Variants in JAKMIP3 observed in about 807,000 individuals in gnomAD.
The protein encoded by JAKMIP3 is janus kinase and microtubule-interacting protein 3.
JAKMIP3 carries 58 observed loss-of-function variants against 118.5 expected under a neutral mutation model. The ratio of observed to expected loss-of-function variants is 0.49; its 90% CI spans 0.40 to 0.61. JAKMIP3 has a LOEUF of 0.61. JAKMIP3 is among the 20% of genes least tolerant of loss of function. The probability of loss-of-function intolerance (pLI) is 0.00; values close to 1 mark genes in which losing one functional copy is unlikely to be tolerated. For missense variants in JAKMIP3, 950 were observed against 1,109.0 expected (o/e 0.86, Z 2.04); for synonymous variants, 486 against 451.2 (o/e 1.08, Z -0.98).
upstream of JAKMIP3, among the ~76,000 whole-genome samples, chr10:132,065,881 C>G (rs1177707743): frequency 6.6e-6 from 1 of 152,140 alleles, no homozygotes; most frequent in Non-Finnish European, 1.5e-5. The surrounding 1 kb of genome is among the most constrained non-coding windows in gnomAD (Gnocchi z 5.6). Context: ...GGTTCCTCCC[C>G]CTGGATGTAG....
intron 1 of JAKMIP3, among the ~76,000 whole-genome samples, chr10:132,040,381 C>T (rs1589995970): frequency 6.6e-6 from 1 of 152,112 alleles, no homozygotes; most frequent in African/African-American, 2.4e-5. Context: ...ATGAGCTGAC[C>T]GAGACAGGGC....
intron 1 of JAKMIP3, among the ~76,000 whole-genome samples, chr10:132,048,865 C>G (rs113715733): frequency 6.6e-6 from 1 of 152,128 alleles, no homozygotes; most frequent in Non-Finnish European, 1.5e-5. Context: ...TAGTCTCGAT[C>G]TCCTGACCTC....
In JAKMIP3 at chr10:132,137,113, T is replaced by C. The variant is rs201149274; in HGVS notation, c.1211T>C (p.Ile404Thr). ...EREVDFLKLQ[I>T]VEQQNLIDEL... ...GAAGTCGATTTCTTGAAGCTTCAGA[T>C]TGTGGAGCAGCAAAACCTCATAGAT... The change falls in exon 7 of 24, where the codon ATT becomes ACT. Residue 404 changes from isoleucine to threonine, a missense_variant. Transcript: ENST00000684848. 6 of 1,613,904 alleles carry C rather than the reference T, an allele frequency of 3.7e-6. No homozygotes were observed. In the South Asian group the frequency reaches 5.5e-5, roughly 15 times the overall value.
chr10:132,180,716 TGTGC>T lies in JAKMIP3; in HGVS notation c.*1104-1637_*1104-1634del, dbSNP rs1390233542. 4.1e-3 allele frequency among the ~76,000 whole-genome samples: 103 copies of T among 25,156 alleles called. 17 individuals are homozygous for T. Among genetic ancestry groups the T allele is most frequent in the East Asian group, 0.028 (8 of 284 alleles). The allele number at this position is 25,156 out of a possible 152,430, so 16.5% of individuals were successfully genotyped here. A position where few individuals can be genotyped will look rare whatever the true frequency, so the allele number is the denominator to read the frequency against. ...GCGTGCGTGTGTGTGTGCGCGTGTGTGTGCGTGTGTGTGCGTGTGTGCGTGCGTG... is the reference window on the plus strand; with the variant it reads ...GCGTGCGTGTGTGTGTGCGCGTGTGTGTGTGTGTGCGTGTGTGCGTGCGTG... On this transcript the variant is annotated intron_variant, in intron 23 of 23. Transcript: ENST00000684848.
At chr10:132,150,176 C>A in intron 16 of JAKMIP3, 135 bp downstream of exon 16, 1 of 651,870 alleles carries the variant, frequency 1.5e-6, no homozygotes, top group Non-Finnish European at 2.7e-6. Context: ...TCCACTAGGC[C>A]CAGAGCCTGC....
chr10:132,116,024 G>A (rs2047590161), intron 2 of JAKMIP3, among the ~76,000 whole-genome samples: 1 of 152,232 alleles, frequency 6.6e-6, no homozygotes, highest in Non-Finnish European at 1.5e-5. Flanking sequence ...CCGGCACTGT[G>A]GTCTGAATAT....
intron 11 of JAKMIP3, among the ~76,000 whole-genome samples, chr10:132,143,150 G>A (rs549343241): frequency 6.6e-6 from 1 of 151,942 alleles, no homozygotes; most frequent in Non-Finnish European, 1.5e-5. Flanking sequence ...GTCGGGGTGG[G>A]GGGGGCTGGC....
rs780240730 is a variant in JAKMIP3, at chr10:132,153,992, TGAGAGGCACGAGACTGCTGGAACCCCGGG to T, written c.2220+6_2220+34del. ...CAGGCCTTGGACCAGGCCAACAAGG[TGAGAGGCACGAGACTGCTGGAACCCCGGG>T]GAGGGGCACTGGGCTGAAACGGCCA... On this transcript the variant is annotated splice_donor_5th_base_variant and intron_variant, in intron 19 of 23. Transcript: ENST00000684848. The T allele has an allele frequency of 1.2e-6, 2 of 1,612,504 alleles. No individual in the cohort carries two copies. The highest frequency in any genetic ancestry group is 1.7e-6 in the Non-Finnish European group (2 of 1,179,666).
At chr10:132,145,274 T>G in intron 12 of JAKMIP3, 84 bp downstream of exon 12, 1 of 1,180,720 alleles carries the variant, frequency 8.5e-7, no homozygotes, top group Non-Finnish European at 1.2e-6. Flanking sequence ...GCTTCAGTGG[T>G]GCGATCATAA....
At chr10:132,102,873 T>G (rs2045208124) in intron 1 of JAKMIP3, among the ~76,000 whole-genome samples, 2 of 147,698 alleles carry the variant, frequency 1.4e-5, no homozygotes, top group Admixed American at 6.7e-5. Flanking sequence ...GATGCAGGAG[T>G]AGGGGGGGAG....
chr10:132,107,372 C>T (rs1466272170), intron 2 of JAKMIP3, among the ~76,000 whole-genome samples: 8 of 152,198 alleles, frequency 5.3e-5, no homozygotes, highest in East Asian at 3.9e-4. Context: ...GCCAGGCTTG[C>T]GGGCTCCCCA....
At chr10:132,160,457 T>C (rs866379793) in intron 19 of JAKMIP3, among the ~76,000 whole-genome samples, 11 of 36,192 alleles carry the variant, frequency 3.0e-4, no homozygotes, top group South Asian at 1.8e-3. Context: ...GGGGGTCTCT[T>C]CCTGTGTGAT....
In JAKMIP3 at chr10:132,142,115, G is replaced by A. The variant is rs2053636973; in HGVS notation, c.1602+67G>A. The A allele has an allele frequency of 4.0e-6, 6 of 1,500,606 alleles. No homozygotes were observed. In the Admixed American group the frequency reaches 1.2e-4, roughly 30 times the overall value. The allele number at this position is 1,500,606 out of a possible 1,614,324, so 93.0% of individuals were successfully genotyped here. A position where few individuals can be genotyped will look rare whatever the true frequency, so the allele number is the denominator to read the frequency against. On this transcript the variant is annotated intron_variant, in intron 11 of 23. Coordinates refer to ENST00000684848, the MANE Select transcript of JAKMIP3 (RefSeq NM_001323087.2). Reference sequence around the variant, plus strand: ...CTTCCCGCTTGACCCCGTGGCCTGGGCTGGGACACCCCCCTCACTAGCCCT... The same window carrying A: ...CTTCCCGCTTGACCCCGTGGCCTGGACTGGGACACCCCCCTCACTAGCCCT...
chr10:132,076,844 C>T (rs983878266), intron 1 of JAKMIP3, among the ~76,000 whole-genome samples: 10 of 151,306 alleles, frequency 6.6e-5, no homozygotes, highest in African/African-American at 1.2e-4. Context: ...GCAGTGGCCC[C>T]GGATCTTACT....
At chr10:132,096,627 G>T (rs1385670980) in intron 1 of JAKMIP3, among the ~76,000 whole-genome samples, 2 of 152,150 alleles carry the variant, frequency 1.3e-5, no homozygotes, top group Non-Finnish European at 2.9e-5. Context: ...TTTGGACCTG[G>T]CCGTGATTTT....
rs1191920545 is a variant in JAKMIP3 at position 132,163,373 on chromosome 10, C to T, written c.2385C>T (p.Ile795=). 1 of 1,606,980 alleles carries T rather than the reference C, an allele frequency of 6.2e-7. No homozygotes were observed. The highest frequency in any genetic ancestry group is 8.5e-7 in the Non-Finnish European group (1 of 1,179,344). ...MSELRERDAQ[I]LRERMELLQL... ...AGCTGCGCGAGCGGGACGCCCAGAT[C>T]CTGCGGGAGCGCATGGAGCTGCTGC... The change falls in exon 20 of 24, where the codon ATC becomes ATT. Residue 795 remains isoleucine, a synonymous_variant. Transcript: ENST00000684848.
In JAKMIP3 at chr10:132,163,510, C is replaced by A. The variant is rs181177771; in HGVS notation, c.2424+98C>A. ...CCACGGCCACACCTCCAACCACTAC[C>A]CCTCTGTGGCCCCACCCTCCAGTGG... On this transcript the variant is annotated intron_variant, in intron 20 of 23. Transcript: ENST00000684848. 13 of 1,055,470 alleles carry A rather than the reference C, an allele frequency of 1.2e-5. No homozygotes were observed. In the East Asian group the frequency reaches 3.4e-4, roughly 28 times the overall value. 65.4% of individuals were successfully genotyped at this position (1,055,470 alleles called of 1,614,324 possible).
intron 1 of JAKMIP3, among the ~76,000 whole-genome samples, chr10:132,047,856 C>A (rs1239865248): frequency 2.2e-5 from 3 of 136,288 alleles, no homozygotes; most frequent in Admixed American, 1.6e-4. Context: ...GTGCACAGAA[C>A]TGTGTGTTCC....
chr10:132,040,969 A>G (rs10870234), intron 1 of JAKMIP3, among the ~76,000 whole-genome samples: 51,074 of 152,148 alleles, frequency 0.34, 9,299 homozygotes, highest in Non-Finnish European at 0.42. Context: ...TTCACTTAGC[A>G]TGGTGTCCTC....
Sources: gnomAD v4.1 joint callset for allele counts (sites outside exome capture counted in the v4.1 genomes callset) on GRCh38, gnomAD v4.1.1 for gene constraint, Gnocchi (gnomAD v3.1) non-coding constraint, MANE v1.5 for transcripts, NCBI Gene and HGNC (gene_info 2026-07-23, HGNC 2026-07-21) for gene names.